The following OSBPL3 variants were observed in gnomAD, a reference collection of about 807,000 sequenced individuals.
The protein encoded by OSBPL3 is oxysterol-binding protein-related protein 3.
In OSBPL3, 65 loss-of-function variants were observed where a neutral mutation model predicts 120.1. The observed-to-expected ratio is 0.54, with a 90% CI of 0.44 to 0.67. OSBPL3 has a LOEUF of 0.67. Among genes scored for constraint, OSBPL3 ranks in the 30% least tolerant of loss-of-function variants. OSBPL3 has a pLI of 0.00. For missense variants in OSBPL3, 1,004 were observed against 1,082.1 expected (o/e 0.93, Z 1.01); for synonymous variants, 416 against 402.6 (o/e 1.03, Z -0.40).
Position 24,806,850 on chromosome 7 carries a change from C to T in OSBPL3, c.2370G>A (p.Leu790=). The change falls in exon 21 of 23, where the codon CTG becomes CTA. Residue 790 remains leucine (L), a synonymous_variant. Transcript: ENST00000313367. This position sits in a 1 kb window ranked among gnomAD's most constrained non-coding sequence, Gnocchi z 5.2. ...ATGATGGATCCATTTCATTTAATTC[C>T]AGCGCAAACTGTGTGAAGCTATAGT... ...EQYYSFTQFA[L]ELNEMDPSSK... is the part of the protein sequence containing the mutation. The T allele has an allele frequency of 6.2e-7, 1 of 1,613,796 alleles. No homozygotes were observed. Among genetic ancestry groups the T allele is most frequent in the Non-Finnish European group, 8.5e-7 (1 of 1,179,716 alleles).
At chr7:24,904,022 G>A (rs1009670930) in intron 1 of OSBPL3, among the ~76,000 whole-genome samples, 1 of 151,830 alleles carries the variant, frequency 6.6e-6, no homozygotes, top group Non-Finnish European at 1.5e-5. Flanking sequence ...AGCGGAGATT[G>A]CAGGTATATG....
rs142455763 is a variant in OSBPL3 at position 24,872,040 on chromosome 7, C to G, written c.126G>C (p.Arg42Ser). 444 of 1,613,488 alleles carry G rather than the reference C, an allele frequency of 2.8e-4. 1 individual carries two copies. The highest frequency in any genetic ancestry group is 3.2e-4 in the Non-Finnish European group (378 of 1,179,578). The change falls in exon 3 of 23, where the codon AGG becomes AGC. Residue 42 changes from arginine (R) to serine (S), a missense_variant. Transcript: ENST00000313367. This position sits in a 1 kb window ranked among gnomAD's most constrained non-coding sequence, Gnocchi z 4.1. The stretch of plus-strand genomic sequence containing the variant: ...GCTCCTGGGTGTAATTCATCTCCCC[C>G]CTCAGTCCTTCCACCACTTCCCAGC... ...QDSWEVVEGL[R>S]GEMNYTQEPP...
intron 2 of OSBPL3, among the ~76,000 whole-genome samples, chr7:24,888,544 G>A (rs774820718): frequency 1.3e-5 from 2 of 152,122 alleles, no homozygotes; most frequent in Non-Finnish European, 2.9e-5. Flanking sequence ...AAAATCTCAG[G>A]AGCCCCAGTA....
Position 24,842,393 on chromosome 7 carries a change from G to A in OSBPL3, c.1287C>T (p.Asn429=), listed in dbSNP as rs760667511. The A allele has an allele frequency of 2.5e-6, 4 of 1,608,548 alleles. No homozygotes were observed. Among genetic ancestry groups the A allele is most frequent in the Admixed American group, 3.4e-5 (2 of 58,868 alleles). Residue 429 remains asparagine, a synonymous_variant, in exon 13 of 23, where the codon AAC becomes AAT. Transcript: ENST00000313367. ...TAGAAAGCTGATGAACTAGAGCTCGGTTTTCATCTCTGGAGTTTTCCTATT... is the reference window on the plus strand; with the variant it reads ...TAGAAAGCTGATGAACTAGAGCTCGATTTTCATCTCTGGAGTTTTCCTATT... ...NLAEENSRDE[N]RALVHQLSNE...
chr7:24,980,404 C>T (rs374366887), upstream of OSBPL3, among the ~76,000 whole-genome samples: 30 of 151,990 alleles, frequency 2.0e-4, 4 homozygotes, highest in South Asian at 1.5e-3. Context: ...CCCCGGATTC[C>T]GGATGGGTTG....
rs1299191947 is a variant in OSBPL3, at chr7:24,817,700, G to A, written c.1949-1012C>T. 1.3e-5 allele frequency among the ~76,000 whole-genome samples: 2 copies of A among 152,172 alleles called. No individual in the cohort carries two copies. Among genetic ancestry groups the A allele is most frequent in the African/African-American group, 4.8e-5 (2 of 41,434 alleles). On this transcript the variant is annotated intron_variant, in intron 17 of 22. Coordinates refer to ENST00000313367, the MANE Select transcript of OSBPL3 (RefSeq NM_015550.4). This position sits in a 1 kb window ranked among gnomAD's most constrained non-coding sequence, Gnocchi z 4.0. ...GAGAAGCAAGGCGACAAGTTAAGAG[G>A]CTACTGCAATTGCCCAGGGGATAAC...
Position 24,863,700 on chromosome 7 carries a change from A to G in OSBPL3, c.674-101T>C. ...ACTTTTCCTTATTTATCTGTAGTTGATTTTTTTTTTCATCTGTAAGGGTTG... is the reference window on the plus strand; with the variant it reads ...ACTTTTCCTTATTTATCTGTAGTTGGTTTTTTTTTTCATCTGTAAGGGTTG... On this transcript the variant is annotated intron_variant, in intron 7 of 22. Coordinates refer to ENST00000313367, the MANE Select transcript of OSBPL3 (RefSeq NM_015550.4). This position sits in a 1 kb window ranked among gnomAD's most constrained non-coding sequence, Gnocchi z 5.8. 4.2e-6 allele frequency: 3 copies of G among 713,420 alleles called. No homozygotes were observed. Among genetic ancestry groups the G allele is most frequent in the Middle Eastern group, 5.5e-4 (2 of 3,666 alleles). 44.2% of individuals were successfully genotyped at this position (713,420 alleles called of 1,614,324 possible).
rs1051985919 is a variant in OSBPL3 at position 24,797,239 on chromosome 7, A to C, written c.*2944T>G. The C allele has an allele frequency of 3.9e-5, 6 of 152,226 alleles. No individual in the cohort carries two copies. Among genetic ancestry groups the C allele is most frequent in the African/African-American group, 1.4e-4 (6 of 41,458 alleles). 9.4% of individuals were successfully genotyped at this position (152,226 alleles called of 1,614,324 possible). On this transcript the variant is annotated 3_prime_UTR_variant, in exon 23 of 23. Coordinates refer to ENST00000313367, the MANE Select transcript of OSBPL3 (RefSeq NM_015550.4). The surrounding 1 kb of genome is among the most constrained non-coding windows in gnomAD (Gnocchi z 4.8). ...GAAGACAGTGCTTGAAGCCCAAACA[A>C]ATGATTTACTACAAGTAATTAAAAG...
rs1175685559 is a variant in OSBPL3 at position 24,813,175 on chromosome 7, G to A, written c.2172+1884C>T. The stretch of plus-strand genomic sequence containing the variant: ...ATTACAGGTGTGAGCCATGGCACCC[G>A]GGCTCTTAAGTTTATTCTGAAGCAG... On this transcript the variant is annotated intron_variant, in intron 19 of 22. Coordinates refer to ENST00000313367, the MANE Select transcript of OSBPL3 (RefSeq NM_015550.4). The surrounding 1 kb of genome is among the most constrained non-coding windows in gnomAD (Gnocchi z 4.5). Among the ~76,000 whole-genome samples, 1 of 152,130 alleles carries A rather than the reference G, an allele frequency of 6.6e-6. No individual in the cohort carries two copies. The highest frequency in any genetic ancestry group is 2.4e-5 in the African/African-American group (1 of 41,426).
chr7:24,970,832 T>C (rs1012440132), intron 1 of OSBPL3, among the ~76,000 whole-genome samples: 6 of 152,168 alleles, frequency 3.9e-5, no homozygotes, highest in Non-Finnish European at 5.9e-5. Context: ...CCCCCAGAGT[T>C]TCCAATTCCA....
At chr7:24,923,487 G>C (rs1810657694) in intron 1 of OSBPL3, among the ~76,000 whole-genome samples, 1 of 152,224 alleles carries the variant, frequency 6.6e-6, no homozygotes, top group Admixed American at 6.5e-5. Context: ...ACTGAACTCA[G>C]TAGATGGGTA....
Position 24,805,634 on chromosome 7 carries a change from G to A in OSBPL3, c.2444+1142C>T, listed in dbSNP as rs1350125391. Among the ~76,000 whole-genome samples, 2 of 152,178 alleles carry A rather than the reference G, an allele frequency of 1.3e-5. No homozygotes were observed. The highest frequency in any genetic ancestry group is 2.4e-5 in the African/African-American group (1 of 41,428). On this transcript the variant is annotated intron_variant, in intron 21 of 22. Coordinates refer to ENST00000313367, the MANE Select transcript of OSBPL3 (RefSeq NM_015550.4). This position sits in a 1 kb window ranked among gnomAD's most constrained non-coding sequence, Gnocchi z 4.0. The stretch of plus-strand genomic sequence containing the variant: ...CTGCACGAAACAGTACAAGCATAAT[G>A]TGCATAGCAAGATAGCTTGAAGCAT...
rs1792743961 is a variant in OSBPL3 at position 24,804,258 on chromosome 7, A to G, written c.2567+57T>C. ...TACTGTTCACTTTCTGCAAACCAGA[A>G]GCATAACGTGCTGGCACCACCTATC... is the stretch of plus-strand genomic sequence containing the variant. On this transcript the variant is annotated intron_variant, in intron 22 of 22. Transcript: ENST00000313367. This position sits in a 1 kb window ranked among gnomAD's most constrained non-coding sequence, Gnocchi z 5.4. 5.6e-6 allele frequency: 9 copies of G among 1,607,850 alleles called. 1 individual carries two copies. In the South Asian group the frequency reaches 9.9e-5, roughly 18 times the overall value.
In OSBPL3 at chr7:24,930,827, A is replaced by G. The variant is rs1199717889; in HGVS notation, c.-149-38206T>C. On this transcript the variant is annotated intron_variant, in intron 1 of 22. Coordinates refer to ENST00000313367, the MANE Select transcript of OSBPL3 (RefSeq NM_015550.4). The surrounding 1 kb of genome is among the most constrained non-coding windows in gnomAD (Gnocchi z 4.4). ...GATTTCTGATTAAATGAATTCATCA[A>G]TGAGATTTTGTCACTGAAACTTGAC... 1.3e-5 allele frequency among the ~76,000 whole-genome samples: 2 copies of G among 152,238 alleles called. No individual in the cohort carries two copies. The highest frequency in any genetic ancestry group is 6.5e-5 in the Admixed American group (1 of 15,284).
chr7:24,979,798 C>A, intron 1 of OSBPL3, 88 bp downstream of exon 1: 1 of 688,598 alleles, frequency 1.5e-6, no homozygotes, highest in Non-Finnish European at 1.8e-6. Context: ...AACCGCGGCG[C>A]CCCGCAAACA....
Position 24,841,717 on chromosome 7 carries a change from A to AAAAAAAAAAAAAAAAAAAAAG in OSBPL3, c.1401+561_1401+562insCTTTTTTTTTTTTTTTTTTTT, listed in dbSNP as rs70942886. Among the ~76,000 whole-genome samples the AAAAAAAAAAAAAAAAAAAAAG allele has an allele frequency of 4.9e-3, 402 of 82,768 alleles. 89 individuals are homozygous for AAAAAAAAAAAAAAAAAAAAAG. The highest frequency in any genetic ancestry group is 6.2e-3 in the Non-Finnish European group (274 of 44,164). 54.3% of individuals were successfully genotyped at this position (82,768 alleles called of 152,430 possible). On this transcript the variant is annotated intron_variant, in intron 13 of 22. Coordinates refer to ENST00000313367, the MANE Select transcript of OSBPL3 (RefSeq NM_015550.4). ...CTCAAAAAAAAAAAAAAAAAAAAAA[A>AAAAAAAAAAAAAAAAAAAAAG]AAAAGAGGCCAGGCACAGTGGCTCA...
rs1794942376 is a variant in OSBPL3 at position 24,820,149 on chromosome 7, G to A, written c.1948+26C>T. On this transcript the variant is annotated intron_variant, in intron 17 of 22. Coordinates refer to ENST00000313367, the MANE Select transcript of OSBPL3 (RefSeq NM_015550.4). The surrounding 1 kb of genome is among the most constrained non-coding windows in gnomAD (Gnocchi z 4.6). Reference sequence around the variant, plus strand: ...TAGATAACATATTACACAATATGATGGAAGTAAAATGTATTAGCACATTAC... The same window carrying A: ...TAGATAACATATTACACAATATGATAGAAGTAAAATGTATTAGCACATTAC... 2 of 1,452,708 alleles carry A rather than the reference G, an allele frequency of 1.4e-6. No individual in the cohort carries two copies. Among genetic ancestry groups the A allele is most frequent in the African/African-American group, 1.4e-5 (1 of 71,392 alleles). 90.0% of individuals were successfully genotyped at this position (1,452,708 alleles called of 1,614,324 possible). A position where few individuals can be genotyped will look rare whatever the true frequency, so the allele number is the denominator to read the frequency against.
intron 1 of OSBPL3, among the ~76,000 whole-genome samples, chr7:24,927,859 A>G (rs1478805919): frequency 3.3e-5 from 5 of 152,184 alleles, no homozygotes; most frequent in Non-Finnish European, 7.3e-5. Context: ...CTTGAGGTAT[A>G]ATTTATATCC....
At chr7:24,858,458 TTC>T (rs1437678495) in intron 10 of OSBPL3, among the ~76,000 whole-genome samples, 1 of 152,228 alleles carries the variant, frequency 6.6e-6, no homozygotes, top group Non-Finnish European at 1.5e-5. Flanking sequence ...GCTGTCTTTA[TTC>T]TCTGAGGCCC....
Sources: gnomAD v4.1 joint callset for allele counts (sites outside exome capture counted in the v4.1 genomes callset) on GRCh38, gnomAD v4.1.1 for gene constraint, Gnocchi (gnomAD v3.1) non-coding constraint, MANE v1.5 for transcripts, NCBI Gene and HGNC (gene_info 2026-07-23, HGNC 2026-07-21) for gene names.